Variants in ANKRD18A observed in about 807,000 individuals in gnomAD.
ANKRD18A encodes ankyrin repeat domain 18A.
ANKRD18A carries 72 observed loss-of-function variants against 110.6 expected under a neutral mutation model. The observed-to-expected ratio is 0.65, with a 90% confidence interval of 0.54 to 0.79. The LOEUF is 0.79. ANKRD18A is among the 30% of genes least tolerant of loss of function. The pLI is 0.00. For missense variants in ANKRD18A, 934 were observed against 1,163.3 expected (o/e 0.80, Z 2.87); for synonymous variants, 305 against 410.3 (o/e 0.74, Z 3.10).
chr9:38,620,491 C>A lies in ANKRD18A; in HGVS notation c.-206G>T. The A allele has an allele frequency of 2.1e-6, 3 of 1,425,748 alleles. No homozygotes were observed. The highest frequency in any genetic ancestry group is 2.7e-6 in the Non-Finnish European group (3 of 1,091,866). The allele number at this position is 1,425,748 out of a possible 1,614,324, so 88.3% of individuals were successfully genotyped here. A position where few individuals can be genotyped will look rare whatever the true frequency, so the allele number is the denominator to read the frequency against. Reference sequence around the variant, plus strand: ...CGCGATCCAGCCCGGTCCACCACAGCCTTCAGCAGCGACACTCGCAGACTC... The same window carrying A: ...CGCGATCCAGCCCGGTCCACCACAGACTTCAGCAGCGACACTCGCAGACTC... On this transcript the variant is annotated 5_prime_UTR_variant, in exon 1 of 16. Transcript: ENST00000399703.
chr9:38,601,346 A>C (rs1376292750), intron 7 of ANKRD18A, 142 bp from the exon 8 acceptor site: 12 of 900,252 alleles, frequency 1.3e-5, no homozygotes, highest in East Asian at 2.8e-5. Flanking sequence ...CATTTTTAAG[A>C]AACATTTCTA....
intron 7 of ANKRD18A, 82 bp downstream of exon 7, chr9:38,603,077 C>T (rs1225585971): frequency 2.6e-6 from 4 of 1,516,172 alleles, no homozygotes; most frequent in Non-Finnish European, 3.6e-6. Flanking sequence ...GACAAGGAAA[C>T]TATACCATTA....
At chr9:38,574,226 A>G (rs1249649760) in intron 15 of ANKRD18A, among the ~76,000 whole-genome samples, 1 of 152,190 alleles carries the variant, frequency 6.6e-6, no homozygotes, top group East Asian at 1.9e-4. Context: ...GCTGCAAAGG[A>G]CATGATTTTA....
At chr9:38,600,388 G>T (rs531029801) in intron 8 of ANKRD18A, among the ~76,000 whole-genome samples, 1 of 152,168 alleles carries the variant, frequency 6.6e-6, no homozygotes, top group Non-Finnish European at 1.5e-5. Context: ...AATCAGAAAG[G>T]GAAGAAAACT....
chr9:38,590,855 G>A (rs912238094), intron 10 of ANKRD18A, among the ~76,000 whole-genome samples: 3 of 152,134 alleles, frequency 2.0e-5, no homozygotes, highest in Admixed American at 6.5e-5. Flanking sequence ...GCTATTGATT[G>A]AGATGGTTTA....
chr9:38,618,868 GAT>G (rs34689102), intron 1 of ANKRD18A, among the ~76,000 whole-genome samples: 6 of 148,576 alleles, frequency 4.0e-5, no homozygotes, highest in Admixed American at 6.7e-5. Flanking sequence ...ATATATAACT[GAT>G]ATATATATAT....
At position 38,611,286 on chromosome 9, in the gene ANKRD18A, G is replaced by T; in HGVS notation, c.531C>A (p.Ser177=). The T allele has an allele frequency of 1.3e-6, 2 of 1,530,490 alleles. No homozygotes were observed. Among genetic ancestry groups the T allele is most frequent in the Non-Finnish European group, 1.8e-6 (2 of 1,139,994 alleles). 94.8% of individuals were successfully genotyped at this position (1,530,490 alleles called of 1,614,324 possible). The stretch of plus-strand genomic sequence containing the variant: ...AAAATTCCACCATATGCTGTCTCCT[G>T]GAATTTATAGCAAACAAAAGTGGAG... ...GNTPLLFAIN[S]RRQHMVEFLL... Residue 177 remains serine, a synonymous_variant, in exon 4 of 16, where the codon TCC becomes TCA. Coordinates refer to ENST00000399703, the MANE Select transcript of ANKRD18A (RefSeq NM_147195.4).
At chr9:38,614,994 T>C (rs1011580174) in intron 3 of ANKRD18A, among the ~76,000 whole-genome samples, 5 of 152,186 alleles carry the variant, frequency 3.3e-5, no homozygotes, top group Non-Finnish European at 5.9e-5. Context: ...TCGGTCACTC[T>C]TTTTACCAAA....
In ANKRD18A at chr9:38,594,044, T is replaced by G. The variant is rs1009459280; in HGVS notation, c.1855-135A>C. 4 of 951,574 alleles carry G rather than the reference T, an allele frequency of 4.2e-6. No individual in the cohort carries two copies. In the African/African-American group the frequency reaches 6.8e-5, roughly 16 times the overall value. 58.9% of individuals were successfully genotyped at this position (951,574 alleles called of 1,614,324 possible). A position where few individuals can be genotyped will look rare whatever the true frequency, so the allele number is the denominator to read the frequency against. On this transcript the variant is annotated intron_variant, in intron 9 of 15. Coordinates refer to ENST00000399703, the MANE Select transcript of ANKRD18A (RefSeq NM_147195.4). ...CACTTTCTTTTCCTCATATGTACAC[T>G]TTCTTCTTTATTACTGAATTCAGTG... is the stretch of plus-strand genomic sequence containing the variant.
At chr9:38,608,417 T>C (rs1825451235) in intron 5 of ANKRD18A, among the ~76,000 whole-genome samples, 1 of 151,768 alleles carries the variant, frequency 6.6e-6, no homozygotes, top group African/African-American at 2.4e-5. Flanking sequence ...AGTCATGTAC[T>C]AACAACATAT....
At chr9:38,566,675 C>A (rs643989), downstream of ANKRD18A, 1 of 152,148 alleles carries the variant, frequency 6.6e-6, no homozygotes, top group East Asian at 1.9e-4. Flanking sequence ...AATTGGCTCA[C>A]GGTTCTGCAG....
chr9:38,614,042 T>C (rs1008575590), intron 3 of ANKRD18A, among the ~76,000 whole-genome samples: 3 of 152,158 alleles, frequency 2.0e-5, no homozygotes, highest in Non-Finnish European at 4.4e-5. Context: ...CAGTCACAAA[T>C]GTAGAGAAAG....
chr9:38,611,253 C>T lies in ANKRD18A; in HGVS notation c.564G>A (p.Lys188=). The T allele has an allele frequency of 6.5e-7, 1 of 1,530,608 alleles. No individual in the cohort carries two copies. 94.8% of individuals were successfully genotyped at this position (1,530,608 alleles called of 1,614,324 possible). The change falls in exon 4 of 16, where the codon AAG becomes AAA. Residue 188 remains lysine, a synonymous_variant. Transcript: ENST00000399703. The stretch of plus-strand genomic sequence containing the variant: ...CAACGGCATGTATATTTGCCTGGTT[C>T]TTCAATAAAAATTCCACCATATGCT... The part of the protein sequence containing the change: ...RRQHMVEFLL[K]NQANIHAVDN...
chr9:38,612,542 G>A (rs1030724055), intron 3 of ANKRD18A, among the ~76,000 whole-genome samples: 4 of 83,892 alleles, frequency 4.8e-5, no homozygotes, highest in Non-Finnish European at 7.0e-5. Flanking sequence ...TTTGGAAATG[G>A]GGTCTCACAC....
chr9:38,573,357 A>G (rs773671217), intron 15 of ANKRD18A, among the ~76,000 whole-genome samples: 3 of 152,216 alleles, frequency 2.0e-5, no homozygotes, highest in Non-Finnish European at 4.4e-5. Flanking sequence ...GTAATCTGAC[A>G]AAAATAGATA....
downstream of ANKRD18A, chr9:38,569,568 A>G (rs4878217): frequency 0.3 from 145,539 of 481,468 alleles, 23,099 homozygotes; most frequent in East Asian, 0.46. Context: ...CCACCACAAC[A>G]GGAGCCTGCT....
intron 12 of ANKRD18A, among the ~76,000 whole-genome samples, chr9:38,584,344 G>A (rs1199751481): frequency 1.3e-5 from 2 of 152,174 alleles, no homozygotes. Flanking sequence ...TATTTCAGAG[G>A]CTTATATGCA....
At position 38,596,394 on chromosome 9, in the gene ANKRD18A, T is replaced by C. The variant is rs866989501; in HGVS notation, c.946A>G (p.Ser316Gly). 6.9e-6 allele frequency: 10 copies of C among 1,446,108 alleles called. No homozygotes were observed. In the South Asian group the frequency reaches 1.6e-4, roughly 23 times the overall value. 89.6% of individuals were successfully genotyped at this position (1,446,108 alleles called of 1,614,324 possible). ...SENKQPQDSQ[S>G]YGKKKDAMYG... is the part of the protein sequence containing the mutation. The stretch of plus-strand genomic sequence containing the variant: ...ATCGCATCCTTCTTTTTTCCGTAAC[T>C]TTGAGAATCCTAAATAAAACAAAAC... The change falls in exon 9 of 16, where the codon AGT becomes GGT. Residue 316 changes from serine to glycine, a missense_variant. Transcript: ENST00000399703.
intron 12 of ANKRD18A, among the ~76,000 whole-genome samples, chr9:38,584,486 C>T (rs945372554): frequency 6.6e-6 from 1 of 152,072 alleles, no homozygotes; most frequent in African/African-American, 2.4e-5. Flanking sequence ...ATGATGATTA[C>T]ATAACTCTGA....
Sources: allele counts gnomAD v4.1 joint callset (sites outside exome capture counted in the v4.1 genomes callset), GRCh38; gene constraint gnomAD v4.1.1; transcripts MANE v1.5; gene names NCBI Gene and HGNC (gene_info 2026-07-23, HGNC 2026-07-21).